The following PTPRK variants were observed in gnomAD, a reference collection of about 807,000 sequenced individuals.
The protein encoded by PTPRK is receptor-type tyrosine-protein phosphatase kappa.
PTPRK carries 75 observed loss-of-function variants against 178.0 expected under a neutral mutation model. The observed-to-expected ratio is 0.42, with a 90% confidence interval of 0.35 to 0.51. The LOEUF (loss-of-function observed/expected upper bound fraction) is 0.51. PTPRK is among the 20% of genes least tolerant of loss of function. The pLI is 0.02. For missense variants in PTPRK, 1,441 were observed against 1,797.8 expected (o/e 0.80, Z 3.59); for synonymous variants, 637 against 620.6 (o/e 1.03, Z -0.39).
intron 2 of PTPRK, among the ~76,000 whole-genome samples, chr6:128,355,847 G>C (rs562062332): frequency 6.6e-6 from 1 of 152,092 alleles, no homozygotes; most frequent in Non-Finnish European, 1.5e-5. Context: ...CTTTACCAAA[G>C]TTCCCAATTT....
intron 13 of PTPRK, among the ~76,000 whole-genome samples, chr6:128,058,846 AT>A (rs1174138066): frequency 6.7e-6 from 1 of 148,588 alleles, no homozygotes; most frequent in Non-Finnish European, 1.5e-5. Context: ...ATGTAGCTGT[AT>A]TTTTTTATAT....
intron 14 of PTPRK, among the ~76,000 whole-genome samples, chr6:128,006,241 TAAAC>T (rs1197231617): frequency 6.6e-6 from 1 of 151,134 alleles, no homozygotes; most frequent in African/African-American, 2.4e-5. Context: ...GCCATGCAAT[TAAAC>T]AGACAGATAT....
chr6:128,095,249 T>C (rs938553852), intron 7 of PTPRK, among the ~76,000 whole-genome samples: 1 of 152,180 alleles, frequency 6.6e-6, no homozygotes, highest in Non-Finnish European at 1.5e-5. Flanking sequence ...TATTCCCTGT[T>C]GTATTCATAA....
chr6:128,319,161 A>G (rs1351933375), intron 3 of PTPRK, among the ~76,000 whole-genome samples: 3 of 152,188 alleles, frequency 2.0e-5, no homozygotes, highest in Non-Finnish European at 4.4e-5. Context: ...GAATAGAGGA[A>G]TCGACAAAAG....
intron 3 of PTPRK, among the ~76,000 whole-genome samples, chr6:128,249,191 TAACTG>T (rs1390156237): frequency 1.3e-5 from 2 of 151,356 alleles, no homozygotes; most frequent in African/African-American, 2.4e-5. Context: ...AGAACAAAGA[TAACTG>T]AACAGAAAAA....
At position 128,005,108 on chromosome 6, in the gene PTPRK, C is replaced by T; in HGVS notation, c.2470G>A (p.Asp824Asn). ...CATCTTGGACTAAAGTTATGTTGGTCCATGAAGGTGATGGAAAGAGGATCT... is the reference window on the plus strand; with the variant it reads ...CATCTTGGACTAAAGTTATGTTGGTTCATGAAGGTGATGGAAAGAGGATCT... ...AEDPLSITFM[D>N]QHNFSPRYEN... The change falls in exon 15 of 30, where the codon GAC becomes AAC. Residue 824 changes from aspartate to asparagine, a missense_variant. Coordinates refer to ENST00000368226, the MANE Select transcript of PTPRK (RefSeq NM_002844.4). 1 of 1,609,502 alleles carries T rather than the reference C, an allele frequency of 6.2e-7. No individual in the cohort carries two copies. The highest frequency in any genetic ancestry group is 1.7e-4 in the Middle Eastern group (1 of 6,030).
intron 2 of PTPRK, among the ~76,000 whole-genome samples, chr6:128,325,897 T>C (rs561731084): frequency 2.0e-5 from 3 of 152,234 alleles, no homozygotes; most frequent in African/African-American, 4.8e-5. Flanking sequence ...CTATTCACAA[T>C]AGCAAAGACT....
At chr6:128,129,818 C>G (rs2114451721) in intron 7 of PTPRK, among the ~76,000 whole-genome samples, 1 of 152,218 alleles carries the variant, frequency 6.6e-6, no homozygotes, top group South Asian at 2.1e-4. Flanking sequence ...TTTGTATATA[C>G]TTTATTGTCA....
intron 27 of PTPRK, among the ~76,000 whole-genome samples, chr6:127,975,252 G>A (rs1774391680): frequency 1.3e-5 from 2 of 152,128 alleles, no homozygotes; most frequent in Admixed American, 6.5e-5. Context: ...AAGCCTTACT[G>A]TCTTCAGCAG....
At chr6:128,148,590 G>C (rs979075452) in intron 7 of PTPRK, among the ~76,000 whole-genome samples, 1 of 152,134 alleles carries the variant, frequency 6.6e-6, no homozygotes, top group Admixed American at 6.6e-5. Context: ...CTGATCATTA[G>C]CATTTTATTA....
At chr6:128,410,483 G>C (rs1161535423) in intron 1 of PTPRK, among the ~76,000 whole-genome samples, 2 of 152,048 alleles carry the variant, frequency 1.3e-5, no homozygotes, top group Non-Finnish European at 2.9e-5. Context: ...ACTTTTTGCT[G>C]GGCAGATATT....
intron 2 of PTPRK, among the ~76,000 whole-genome samples, chr6:128,369,401 G>C (rs576758974): frequency 6.6e-6 from 1 of 152,112 alleles, no homozygotes; most frequent in Non-Finnish European, 1.5e-5. Flanking sequence ...GAACAATATA[G>C]ATATTTTATA....
At position 128,322,090 on chromosome 6, in the gene PTPRK, A is replaced by G. The variant is rs376969704; in HGVS notation, c.444T>C (p.Asp148=). ...IWNVTGFTGR[D]WLRAELAVST... ...TCACTGCTAGCTCAGCCCGAAGCCA[A>G]TCTCTACCCGTGAATCCAGTCACAT... Residue 148 remains aspartate, a synonymous_variant, in exon 3 of 30, where the codon GAT becomes GAC. Coordinates refer to ENST00000368226, the MANE Select transcript of PTPRK (RefSeq NM_002844.4). 4.3e-6 allele frequency: 7 copies of G among 1,613,870 alleles called. No homozygotes were observed. The highest frequency in any genetic ancestry group is 1.3e-5 in the African/African-American group (1 of 74,908).
chr6:128,283,896 C>T (rs1264923880), intron 3 of PTPRK, among the ~76,000 whole-genome samples: 1 of 152,134 alleles, frequency 6.6e-6, no homozygotes, highest in African/African-American at 2.4e-5. Context: ...CCTAGACTAC[C>T]ACAATGACCC....
intron 3 of PTPRK, among the ~76,000 whole-genome samples, chr6:128,253,527 C>T (rs1816812902): frequency 6.6e-6 from 1 of 152,160 alleles, no homozygotes; most frequent in African/African-American, 2.4e-5. Context: ...CTACTTCTAT[C>T]AACATGACAC....
chr6:128,376,412 C>T (rs936033522), intron 2 of PTPRK, among the ~76,000 whole-genome samples: 2 of 152,200 alleles, frequency 1.3e-5, no homozygotes, highest in African/African-American at 4.8e-5. Context: ...CCATGGCTGG[C>T]ATGACTGAAA....
chr6:128,235,509 T>A (rs917017042), intron 5 of PTPRK: 2 of 438,268 alleles, frequency 4.6e-6, no homozygotes, highest in Admixed American at 2.6e-5. Context: ...AAATTCCGTA[T>A]CATTGAACGT....
At chr6:128,295,707 G>A (rs1260386212) in intron 3 of PTPRK, among the ~76,000 whole-genome samples, 2 of 152,032 alleles carry the variant, frequency 1.3e-5, no homozygotes, top group Non-Finnish European at 2.9e-5. Flanking sequence ...ATAAACTTAA[G>A]CAAGTTAGTT....
At chr6:127,997,718 T>A (rs997722849) in intron 16 of PTPRK, among the ~76,000 whole-genome samples, 1 of 152,028 alleles carries the variant, frequency 6.6e-6, no homozygotes, top group Non-Finnish European at 1.5e-5. Flanking sequence ...AAGAACCAGC[T>A]CTGGCAGAAT....
Sources: allele counts gnomAD v4.1 joint callset (sites outside exome capture counted in the v4.1 genomes callset), GRCh38; gene constraint gnomAD v4.1.1; transcripts MANE v1.5; gene names NCBI Gene and HGNC (gene_info 2026-07-23, HGNC 2026-07-21).